Variants in GABRB2 observed in about 807,000 individuals in gnomAD.
GABRB2 encodes the protein gamma-aminobutyric acid type A receptor subunit beta2.
Under a neutral mutation model 54.7 loss-of-function variants are expected in GABRB2, and 16 were observed. That is an observed-to-expected ratio of 0.29 (90% CI 0.20 to 0.44). GABRB2 has a LOEUF of 0.44. Ranked by LOEUF, GABRB2 falls within the 20% of genes least tolerant of loss-of-function variation. The pLI, the probability that GABRB2 is intolerant of heterozygous loss-of-function variation, is 1.00. For missense variants in GABRB2, 355 were observed against 644.0 expected, an observed-to-expected ratio of 0.55 and a Z score of 4.86; for synonymous variants, 244 against 233.8, an observed-to-expected ratio of 1.04 and a Z score of -0.40.
chr5:161,406,010 G>T (rs552220206), intron 5 of GABRB2, among the ~76,000 whole-genome samples: 1 of 151,990 alleles, frequency 6.6e-6, no homozygotes, highest in Non-Finnish European at 1.5e-5. Context: ...TGGTGCATAC[G>T]CTAAGAAGAA....
At chr5:161,309,723 C>T (rs1757804357) in intron 9 of GABRB2, among the ~76,000 whole-genome samples, 1 of 151,832 alleles carries the variant, frequency 6.6e-6, no homozygotes, top group African/African-American at 2.4e-5. Flanking sequence ...CTCCGCCTCC[C>T]AGGTTCATGC....
intron 3 of GABRB2, among the ~76,000 whole-genome samples, chr5:161,509,238 T>G (rs564929610): frequency 3.3e-5 from 5 of 152,118 alleles, no homozygotes; most frequent in Admixed American, 2.0e-4. Flanking sequence ...CTGAGTAAAC[T>G]CTAATGATTT....
chr5:161,452,189 T>G (rs765006315), intron 4 of GABRB2, among the ~76,000 whole-genome samples: 2 of 152,204 alleles, frequency 1.3e-5, no homozygotes, highest in Non-Finnish European at 2.9e-5. Context: ...TCTTAATAAA[T>G]CAGGGTTTTC....
At chr5:161,508,737 G>A (rs1407504936) in intron 3 of GABRB2, among the ~76,000 whole-genome samples, 2 of 151,994 alleles carry the variant, frequency 1.3e-5, no homozygotes, top group Non-Finnish European at 2.9e-5. Flanking sequence ...ATAAGAGGAT[G>A]AATGCATAGC....
At chr5:161,431,577 C>A (rs1757173372) in intron 4 of GABRB2, among the ~76,000 whole-genome samples, 1 of 152,148 alleles carries the variant, frequency 6.6e-6, no homozygotes. Flanking sequence ...ATGTTAAATA[C>A]ACCTTTTGTT....
intron 5 of GABRB2, among the ~76,000 whole-genome samples, chr5:161,337,350 T>C (rs1033108120): frequency 1.4e-4 from 22 of 152,182 alleles, no homozygotes; most frequent in East Asian, 3.9e-4. Context: ...ATTCATGTAG[T>C]TGATTTTCAA....
intron 4 of GABRB2, among the ~76,000 whole-genome samples, chr5:161,454,842 C>G (rs975300342): frequency 1.3e-5 from 2 of 152,048 alleles, no homozygotes; most frequent in Admixed American, 6.6e-5. Context: ...CTTCCATTAT[C>G]ATTACTCTTT....
chr5:161,422,832 C>T (rs1423354668), intron 4 of GABRB2, among the ~76,000 whole-genome samples: 1 of 152,116 alleles, frequency 6.6e-6, no homozygotes, highest in East Asian at 1.9e-4. Flanking sequence ...TAGGCGCTTC[C>T]ATAAACTGCA....
intron 4 of GABRB2, among the ~76,000 whole-genome samples, chr5:161,437,953 A>G (rs1447521316): frequency 6.6e-6 from 1 of 152,184 alleles, no homozygotes; most frequent in Non-Finnish European, 1.5e-5. Flanking sequence ...TTCTGGACCC[A>G]CCTGGGGCCT....
intron 7 of GABRB2, 67 bp downstream of exon 7, chr5:161,334,685 G>C (rs527528243): frequency 6.6e-7 from 1 of 1,525,276 alleles, no homozygotes; most frequent in Admixed American, 1.8e-5. Context: ...TAAGGAAAAC[G>C]CGTGCATGCG....
In GABRB2 at chr5:161,408,350, G is replaced by A. The variant is rs79004807; in HGVS notation, c.541+2625C>T. On this transcript the variant is annotated intron_variant, in intron 5 of 9. Coordinates refer to ENST00000393959, the MANE Select transcript of GABRB2 (RefSeq NM_001371727.1). ...CTGGTCTAAAGCATGTCAGATTTGC[G>A]ATACACAATCTATATATCTATCTCT... Among the ~76,000 whole-genome samples, 990 of 152,102 alleles carry A rather than the reference G, an allele frequency of 6.5e-3. 9 individuals are homozygous for A. The highest frequency in any genetic ancestry group is 0.023 in the African/African-American group (948 of 41,520).
chr5:161,477,933 A>C lies in GABRB2; in HGVS notation c.238-18089T>G, dbSNP rs570717481. ...ACACCACTGTAAACTGTTCACTTTT[A>C]AAAAGTATATTAGGGACATTCGTTA... On this transcript the variant is annotated intron_variant, in intron 3 of 9. Transcript: ENST00000393959. 2.7e-4 allele frequency among the ~76,000 whole-genome samples: 41 copies of C among 152,144 alleles called. 1 individual carries two copies. The South Asian group carries it at 8.3e-3, about 31-fold the overall frequency.
intron 5 of GABRB2, among the ~76,000 whole-genome samples, chr5:161,358,284 T>C (rs1327685855): frequency 2.0e-5 from 3 of 152,168 alleles, no homozygotes; most frequent in African/African-American, 7.2e-5. Flanking sequence ...ACCTGGATTG[T>C]CCATTTAAGT....
Position 161,528,992 on chromosome 5 carries a change from G to A in GABRB2, c.237+16235C>T, listed in dbSNP as rs376213284. On this transcript the variant is annotated intron_variant, in intron 3 of 9. Coordinates refer to ENST00000393959, the MANE Select transcript of GABRB2 (RefSeq NM_001371727.1). ...TTAAAATAACATGTATGACATGAAG[G>A]GCTGCATCTAAAAGTCTCTTATAAA... Among the ~76,000 whole-genome samples the A allele has an allele frequency of 1.6e-3, 241 of 151,846 alleles. 3 individuals are homozygous for A. Among genetic ancestry groups the A allele is most frequent in the African/African-American group, 5.6e-3 (232 of 41,470 alleles).
intron 5 of GABRB2, among the ~76,000 whole-genome samples, chr5:161,405,468 G>C (rs1033276551): frequency 6.6e-6 from 1 of 152,022 alleles, no homozygotes; most frequent in African/African-American, 2.4e-5. Context: ...TTGTACAAAT[G>C]AGAAACTGCA....
chr5:161,452,913 T>C (rs1174522182), intron 4 of GABRB2, among the ~76,000 whole-genome samples: 1 of 152,130 alleles, frequency 6.6e-6, no homozygotes, highest in Non-Finnish European at 1.5e-5. Context: ...GGAGAATTAC[T>C]TGGGCCCAGG....
At chr5:161,395,323 GA>G (rs1299196331) in intron 5 of GABRB2, among the ~76,000 whole-genome samples, 3 of 152,072 alleles carry the variant, frequency 2.0e-5, no homozygotes, top group Non-Finnish European at 4.4e-5. Flanking sequence ...AGGCAAAAAA[GA>G]AAGGAGCTCC....
intron 3 of GABRB2, among the ~76,000 whole-genome samples, chr5:161,476,090 A>C (rs1758583354): frequency 6.6e-6 from 1 of 152,014 alleles, no homozygotes; most frequent in Non-Finnish European, 1.5e-5. Context: ...AATTTGGCCA[A>C]GTTGCAGAAC....
chr5:161,355,654 C>T (rs555381784), intron 5 of GABRB2, among the ~76,000 whole-genome samples: 19 of 151,784 alleles, frequency 1.3e-4, no homozygotes, highest in South Asian at 4.2e-4. Flanking sequence ...TCCAAGTAAA[C>T]CATAAACATC....
Sources: gnomAD v4.1 joint callset for allele counts (sites outside exome capture counted in the v4.1 genomes callset) on GRCh38, gnomAD v4.1.1 for gene constraint, MANE v1.5 for transcripts, NCBI Gene and HGNC (gene_info 2026-07-23, HGNC 2026-07-21) for gene names.